SNX13: variants seen among roughly 807,000 people sequenced by gnomAD.
The protein encoded by SNX13 is sorting nexin 13.
Under a neutral mutation model 133.6 loss-of-function variants are expected in SNX13, and 45 were observed. The ratio of observed to expected loss-of-function variants is 0.34; its 90% CI spans 0.27 to 0.43. The LOEUF is 0.43. SNX13 is among the 20% of genes least tolerant of loss of function. The pLI, the probability that SNX13 is intolerant of heterozygous loss-of-function variation, is 1.00. For missense variants in SNX13, 1,032 were observed against 1,145.1 expected (o/e 0.90, Z 1.43); for synonymous variants, 414 against 373.9 (o/e 1.11, Z -1.24).
At chr7:17,898,829 T>G (rs1332168445) in intron 1 of SNX13, 1 of 152,150 alleles carries the variant, frequency 6.6e-6, no homozygotes, top group Non-Finnish European at 1.5e-5. Flanking sequence ...AATCATACCT[T>G]CTTTTACGTC....
At chr7:17,926,604 G>A (rs1443368908) in intron 1 of SNX13, among the ~76,000 whole-genome samples, 2 of 152,134 alleles carry the variant, frequency 1.3e-5, no homozygotes, top group African/African-American at 4.8e-5. Context: ...TACTACTCCA[G>A]ACCAGGCACA....
At chr7:17,817,795 A>C (rs570234740) in intron 18 of SNX13, among the ~76,000 whole-genome samples, 33 of 152,290 alleles carry the variant, frequency 2.2e-4, no homozygotes, top group African/African-American at 7.5e-4. Context: ...CCTAAGAGAT[A>C]TTTCCTGCAA....
In SNX13 at chr7:17,856,150, T is replaced by C. The variant is rs143804733; in HGVS notation, c.838-5186A>G. 5.3e-5 allele frequency among the ~76,000 whole-genome samples: 8 copies of C among 152,328 alleles called. No individual in the cohort carries two copies. In the East Asian group the frequency reaches 1.5e-3, roughly 29 times the overall value. On this transcript the variant is annotated intron_variant, in intron 9 of 25. Transcript: ENST00000428135. ...CCTGAACAATATCAACAATGTAAAC[T>C]GAAAATAAAAGTCAAAATGTGGGAG...
chr7:17,850,797 AT>A (rs772132349), intron 10 of SNX13, 28 bp downstream of exon 10: 28 of 1,391,710 alleles, frequency 2.0e-5, no homozygotes, highest in Non-Finnish European at 2.5e-5. Context: ...CTTCAAAAAA[AT>A]ATATCTTAAA....
chr7:17,939,844 C>T (rs896196177), intron 1 of SNX13, among the ~76,000 whole-genome samples: 5 of 152,222 alleles, frequency 3.3e-5, no homozygotes, highest in Non-Finnish European at 5.9e-5. Flanking sequence ...GCAACAACCC[C>T]AGGGTGCTGA....
intron 12 of SNX13, among the ~76,000 whole-genome samples, chr7:17,843,104 T>C (rs1583444572): frequency 6.6e-6 from 1 of 152,074 alleles, no homozygotes; most frequent in African/African-American, 2.4e-5. Flanking sequence ...TTACTTTACA[T>C]GTAAATTGAT....
intron 2 of SNX13, among the ~76,000 whole-genome samples, chr7:17,894,367 A>G (rs1211036408): frequency 6.6e-6 from 1 of 152,146 alleles, no homozygotes; most frequent in Non-Finnish European, 1.5e-5. Context: ...GATAAAGACA[A>G]ATGAATCTAA....
chr7:17,889,474 T>G (rs987140312), intron 5 of SNX13: 35 of 152,006 alleles, frequency 2.3e-4, no homozygotes, highest in African/African-American at 8.2e-4. Flanking sequence ...TTGCGTGTGA[T>G]GGTAGCAACA....
chr7:17,820,408 C>A (rs141829090), intron 18 of SNX13, among the ~76,000 whole-genome samples: 156 of 152,088 alleles, frequency 1.0e-3, no homozygotes, highest in Admixed American at 0.01. Flanking sequence ...CAATGTGGGG[C>A]AGAAAATTAT....
chr7:17,897,184 T>A, intron 2 of SNX13, 150 bp downstream of exon 2: 1 of 409,270 alleles, frequency 2.4e-6, no homozygotes, highest in African/African-American at 2.1e-5. Context: ...TTTTTATTTT[T>A]ATGGGTATCC....
At position 17,791,177 on chromosome 7, in the gene SNX13, T is replaced by A. The variant is rs1261157824; in HGVS notation, c.*2868A>T. ...ACATCTCAAAAAATTAAAAATTCATTTATCTTACAATTACTCAAATACACA... is the reference window on the plus strand; with the variant it reads ...ACATCTCAAAAAATTAAAAATTCATATATCTTACAATTACTCAAATACACA... On this transcript the variant is annotated 3_prime_UTR_variant, in exon 26 of 26. Transcript: ENST00000428135. The A allele has an allele frequency of 6.6e-6, 1 of 151,966 alleles. No homozygotes were observed. Among genetic ancestry groups the A allele is most frequent in the Non-Finnish European group, 1.5e-5 (1 of 67,888 alleles). The allele number at this position is 151,966 out of a possible 1,614,324, so 9.4% of individuals were successfully genotyped here.
chr7:17,848,851 G>A (rs1166612952), intron 11 of SNX13, among the ~76,000 whole-genome samples: 2 of 152,164 alleles, frequency 1.3e-5, no homozygotes, highest in African/African-American at 2.4e-5. Flanking sequence ...CCTGCGAAGG[G>A]GTCAGGGAAG....
At chr7:17,919,073 A>G (rs1400234589) in intron 1 of SNX13, among the ~76,000 whole-genome samples, 1 of 152,164 alleles carries the variant, frequency 6.6e-6, no homozygotes, top group African/African-American at 2.4e-5. Context: ...GGACCAAAAG[A>G]CACTGGCCAC....
intron 15 of SNX13, 29 bp downstream of exon 15, chr7:17,834,023 T>C: frequency 6.9e-7 from 1 of 1,445,752 alleles, no homozygotes; most frequent in Non-Finnish European, 9.2e-7. Flanking sequence ...TATATATGCA[T>C]ATTATGTGTA....
chr7:17,888,716 C>T (rs1250333716), intron 5 of SNX13: 2 of 470,678 alleles, frequency 4.2e-6, no homozygotes, highest in Non-Finnish European at 8.8e-6. Context: ...TGCTGTATCC[C>T]CAGCATCTGG....
chr7:17,940,410 C>T lies in SNX13; in HGVS notation c.-115G>A, dbSNP rs1802708663. 2 of 1,255,838 alleles carry T rather than the reference C, an allele frequency of 1.6e-6. No individual in the cohort carries two copies. The highest frequency in any genetic ancestry group is 1.5e-5 in the African/African-American group (1 of 67,454). The allele number at this position is 1,255,838 out of a possible 1,614,324, so 77.8% of individuals were successfully genotyped here. On this transcript the variant is annotated 5_prime_UTR_variant, in exon 1 of 26. Coordinates refer to ENST00000428135, the MANE Select transcript of SNX13 (RefSeq NM_015132.5). ...CGGCGGCAACTGCTCCTTCAGTCTTCTCCCGGGCGGCGGTTTTACTCGGCT... is the reference window on the plus strand; with the variant it reads ...CGGCGGCAACTGCTCCTTCAGTCTTTTCCCGGGCGGCGGTTTTACTCGGCT...
At chr7:17,803,604 C>T in intron 20 of SNX13, 24 bp from the exon 21 acceptor site, 20 of 1,577,616 alleles carry the variant, frequency 1.3e-5, no homozygotes, top group Non-Finnish European at 1.6e-5. Context: ...AGATATTATA[C>T]CATGACTTTA....
rs975032044 is a variant in SNX13, at chr7:17,834,273, G to A, written c.1465-89C>T. 26 of 1,173,600 alleles carry A rather than the reference G, an allele frequency of 2.2e-5. No individual in the cohort carries two copies. The South Asian group carries it at 4.6e-4, about 21-fold the overall frequency. The allele number at this position is 1,173,600 out of a possible 1,614,324, so 72.7% of individuals were successfully genotyped here. A position where few individuals can be genotyped will look rare whatever the true frequency, so the allele number is the denominator to read the frequency against. On this transcript the variant is annotated intron_variant, in intron 14 of 25. Transcript: ENST00000428135. The stretch of plus-strand genomic sequence containing the variant: ...CAATTTCACCAAAAGACACACTGAG[G>A]TCTTGCCATAATGTATCATAGTTAC...
intron 22 of SNX13, among the ~76,000 whole-genome samples, chr7:17,800,603 T>C (rs1042971619): frequency 6.6e-6 from 1 of 151,694 alleles, no homozygotes; most frequent in African/African-American, 2.4e-5. Flanking sequence ...ACAGATAACA[T>C]ATATAGCACA....
Sources: gnomAD v4.1 joint callset for allele counts (sites outside exome capture counted in the v4.1 genomes callset) on GRCh38, gnomAD v4.1.1 for gene constraint, MANE v1.5 for transcripts, NCBI Gene and HGNC (gene_info 2026-07-23, HGNC 2026-07-21) for gene names.